The following ZDHHC11B variants were observed in gnomAD, a reference collection of about 807,000 sequenced individuals.
ZDHHC11B encodes zDHHC palmitoyltransferase 11B (putative).
A neutral mutation model predicts 42.3 loss-of-function variants in ZDHHC11B; 17 were observed. That is an observed-to-expected ratio of 0.40 (90% confidence interval 0.27 to 0.60). ZDHHC11B has a LOEUF of 0.60. Ranked by LOEUF, ZDHHC11B falls within the 20% of genes least tolerant of loss-of-function variation. The pLI, the probability that ZDHHC11B is intolerant of heterozygous loss-of-function variation, is 0.41. For missense variants in ZDHHC11B, 262 were observed against 463.2 expected, an observed-to-expected ratio of 0.57 and a Z score of 3.99; for synonymous variants, 123 against 193.5, an observed-to-expected ratio of 0.64 and a Z score of 3.02.
At chr5:777,195 G>A (rs1736580285) in intron 1 of ZDHHC11B, among the ~76,000 whole-genome samples, 1 of 151,912 alleles carries the variant, frequency 6.6e-6, no homozygotes, top group East Asian at 1.9e-4. Flanking sequence ...TGGTCTCGCT[G>A]ACTTTAGGAG....
chr5:766,982 T>G lies in ZDHHC11B; in HGVS notation c.1-63A>C, dbSNP rs71593346. On this transcript the variant is annotated intron_variant, in intron 3 of 13. Transcript: ENST00000508859. Reference sequence around the variant, plus strand: ...TCCGGGGAGGGCCGGCCCCACCCACTGTCAGGGAGACCACGGGGACTGGGA... The same window carrying G: ...TCCGGGGAGGGCCGGCCCCACCCACGGTCAGGGAGACCACGGGGACTGGGA... The G allele has an allele frequency of 3.2e-6, 5 of 1,555,928 alleles. No homozygotes were observed. The Admixed American group carries it at 8.6e-5, about 27-fold the overall frequency.
intron 4 of ZDHHC11B, among the ~76,000 whole-genome samples, chr5:763,239 C>T (rs529667259): frequency 1.3e-5 from 2 of 151,546 alleles, no homozygotes; most frequent in East Asian, 3.9e-4. Flanking sequence ...CGTGGTGGCA[C>T]ACACCTGTAG....
At chr5:713,480 A>G (rs1333291758) in intron 13 of ZDHHC11B, among the ~76,000 whole-genome samples, 1 of 152,058 alleles carries the variant, frequency 6.6e-6, no homozygotes, top group Non-Finnish European at 1.5e-5. Flanking sequence ...CTTCTCACTC[A>G]GTGCTTTATT....
At position 778,290 on chromosome 5, in the gene ZDHHC11B, G is replaced by A. The variant is rs199810175; in HGVS notation, c.-230+6378C>T. Among the ~76,000 whole-genome samples, 248 of 150,678 alleles carry A rather than the reference G, an allele frequency of 1.6e-3. 4 individuals carry two copies. The East Asian group carries it at 0.028, about 17-fold the overall frequency. On this transcript the variant is annotated intron_variant, in intron 1 of 13. Transcript: ENST00000508859. ...GCTGGCTCATCCCATCAACCATGTC[G>A]GAGACTCGGCGGCTGCAGATGCGGT...
intron 4 of ZDHHC11B, among the ~76,000 whole-genome samples, chr5:764,051 C>A (rs867294121): frequency 6.6e-6 from 1 of 151,974 alleles, no homozygotes; most frequent in Admixed American, 6.6e-5. Flanking sequence ...ATGGCTGAGG[C>A]ACTCAGGCTG....
intron 7 of ZDHHC11B, among the ~76,000 whole-genome samples, chr5:749,826 G>C (rs1169568217): frequency 1.5e-5 from 1 of 65,684 alleles, no homozygotes; most frequent in Non-Finnish European, 2.4e-5. Context: ...AAGGTGACTT[G>C]CTACAGGGGG....
At chr5:730,984 C>G (rs1168686036) in intron 11 of ZDHHC11B, among the ~76,000 whole-genome samples, 2 of 151,942 alleles carry the variant, frequency 1.3e-5, no homozygotes, top group East Asian at 1.9e-4. Context: ...ATTTCTTGTT[C>G]CAACGCCCCA....
At chr5:764,407 C>T (rs1735008524) in intron 4 of ZDHHC11B, among the ~76,000 whole-genome samples, 1 of 149,800 alleles carries the variant, frequency 6.7e-6, no homozygotes, top group Non-Finnish European at 1.5e-5. Context: ...AGGCGGGAAC[C>T]CAGCACTAGT....
intron 13 of ZDHHC11B, among the ~76,000 whole-genome samples, chr5:713,308 A>T (rs890384751): frequency 2.0e-5 from 3 of 151,984 alleles, no homozygotes; most frequent in Non-Finnish European, 4.4e-5. Flanking sequence ...GATATTTCTC[A>T]TAAGTTTTAT....
intron 4 of ZDHHC11B, among the ~76,000 whole-genome samples, chr5:757,693 C>T (rs1429856316): frequency 1.3e-5 from 2 of 151,970 alleles, no homozygotes; most frequent in Admixed American, 1.3e-4. Context: ...CTCACGTGGC[C>T]CCGGGCCCTG....
chr5:756,886 T>C (rs1733931598), intron 4 of ZDHHC11B, among the ~76,000 whole-genome samples: 1 of 151,358 alleles, frequency 6.6e-6, no homozygotes, highest in South Asian at 2.1e-4. Context: ...GACCCCAGAC[T>C]CATTCAGGGA....
intron 4 of ZDHHC11B, among the ~76,000 whole-genome samples, chr5:759,418 G>A (rs761602905): frequency 3.3e-5 from 5 of 151,916 alleles, no homozygotes; most frequent in Non-Finnish European, 7.4e-5. Context: ...GCTGACACGT[G>A]CCACTGAAGG....
intron 6 of ZDHHC11B, among the ~76,000 whole-genome samples, chr5:754,054 G>A (rs1401255607): frequency 7.5e-6 from 1 of 133,790 alleles, no homozygotes; most frequent in African/African-American, 2.5e-5. Flanking sequence ...ACCGTGCTCA[G>A]GGGAAACAAC....
At chr5:745,684 A>G (rs1744718536) in intron 8 of ZDHHC11B, among the ~76,000 whole-genome samples, 1 of 150,008 alleles carries the variant, frequency 6.7e-6, no homozygotes, top group South Asian at 2.2e-4. Context: ...TGGCAGGGGT[A>G]AGAGGCCAGC....
rs1743281964 is a variant in ZDHHC11B, at chr5:733,859, G to A, written c.936-20C>T. 2.5e-6 allele frequency: 4 copies of A among 1,595,454 alleles called. No individual in the cohort carries two copies. In the East Asian group the frequency reaches 9.2e-5, roughly 37 times the overall value. ...TTGACTCTGGTGGGACAGGAAGGAG[G>A]AGAGAAACTCATCTCAGCTTTGTGG... On this transcript the variant is annotated intron_variant, in intron 10 of 13. Transcript: ENST00000508859.
chr5:757,997 G>C (rs1232690942), intron 4 of ZDHHC11B, among the ~76,000 whole-genome samples: 2 of 151,858 alleles, frequency 1.3e-5, no homozygotes, highest in Non-Finnish European at 2.9e-5. Context: ...TGCAGGGGCT[G>C]TAAAGGGTGT....
chr5:716,175 G>A (rs1395372296), intron 13 of ZDHHC11B, among the ~76,000 whole-genome samples: 2 of 151,116 alleles, frequency 1.3e-5, no homozygotes, highest in Admixed American at 6.6e-5. Context: ...TAGCTGAGGG[G>A]ATATAGTAGT....
At chr5:779,260 G>A (rs1736789214) in intron 1 of ZDHHC11B, among the ~76,000 whole-genome samples, 1 of 150,664 alleles carries the variant, frequency 6.6e-6, no homozygotes, top group Admixed American at 6.6e-5. Context: ...TGAGATGCCT[G>A]GACGCTGGGC....
chr5:775,972 G>A (rs1441397790), intron 1 of ZDHHC11B, among the ~76,000 whole-genome samples: 15 of 143,634 alleles, frequency 1.0e-4, no homozygotes, highest in Admixed American at 6.9e-4. Flanking sequence ...AACCCCTGGG[G>A]GTCCCTGGTC....
Sources: gnomAD v4.1 joint callset for allele counts (sites outside exome capture counted in the v4.1 genomes callset) on GRCh38, gnomAD v4.1.1 for gene constraint, MANE v1.5 for transcripts, NCBI Gene and HGNC (gene_info 2026-07-23, HGNC 2026-07-21) for gene names.